LONP2: variants seen among roughly 807,000 people sequenced by gnomAD.
The protein encoded by LONP2 is lon peptidase 2, peroxisomal, also known as lon protease homolog 2, peroxisomal.
A neutral mutation model predicts 85.6 loss-of-function variants in LONP2; 60 were observed. The observed-to-expected ratio is 0.70, with a 90% CI of 0.57 to 0.87. The LOEUF is 0.87. Ranked by LOEUF, LONP2 falls within the 40% of genes least tolerant of loss-of-function variation. The pLI is 0.00. For missense variants in LONP2, 860 were observed against 1,063.5 expected (o/e 0.81, Z 2.66); for synonymous variants, 395 against 389.7 (o/e 1.01, Z -0.16).
At chr16:48,349,027 A>C (rs1447862795) in intron 14 of LONP2, among the ~76,000 whole-genome samples, 1 of 152,170 alleles carries the variant, frequency 6.6e-6, no homozygotes, top group Non-Finnish European at 1.5e-5. Context: ...TATAGAATGG[A>C]AACTCTAATA....
At chr16:48,298,177 A>G (rs1428054705) in intron 9 of LONP2, among the ~76,000 whole-genome samples, 1 of 152,192 alleles carries the variant, frequency 6.6e-6, no homozygotes, top group East Asian at 1.9e-4. Context: ...ATATGATGCC[A>G]CCTTCTTCCT....
intron 9 of LONP2, among the ~76,000 whole-genome samples, chr16:48,297,915 G>T (rs550867590): frequency 6.6e-6 from 1 of 152,224 alleles, no homozygotes; most frequent in South Asian, 2.1e-4. Context: ...GGCCAGGAAG[G>T]TCTCAATGTC....
rs766456880 is a variant in LONP2 at position 48,355,828 on chromosome 16, AAATT to A, written c.*4028_*4031del. 3.9e-5 allele frequency: 6 copies of A among 152,164 alleles called. No homozygotes were observed. Among genetic ancestry groups the A allele is most frequent in the Non-Finnish European group, 8.8e-5 (6 of 68,038 alleles). The allele number at this position is 152,164 out of a possible 1,614,324, so 9.4% of individuals were successfully genotyped here. ...AAAATAAGCTGGATTTTTTTATTGA[AAATT>A]ATTAACTCTAGAAATTTTAGTTTAA... On this transcript the variant is annotated 3_prime_UTR_variant, in exon 15 of 15. Transcript: ENST00000285737.
chr16:48,288,051 G>A (rs1160097090), intron 8 of LONP2, among the ~76,000 whole-genome samples: 2 of 151,438 alleles, frequency 1.3e-5, no homozygotes, highest in Non-Finnish European at 2.9e-5. Context: ...TTGTGTGTGA[G>A]TTGTATTTTG....
intron 4 of LONP2, among the ~76,000 whole-genome samples, chr16:48,260,387 A>C (rs1971849659): frequency 6.6e-6 from 1 of 152,232 alleles, no homozygotes; most frequent in South Asian, 2.1e-4. Context: ...GCTTGAGGCC[A>C]GGAGTTCAAG....
Position 48,291,182 on chromosome 16 carries a change from TTCTGTGGAC to T in LONP2, c.1384-4830_1384-4822del, listed in dbSNP as rs149579559. Among the ~76,000 whole-genome samples the T allele has an allele frequency of 8.5e-3, 1,299 of 152,342 alleles. 22 individuals carry two copies. Among genetic ancestry groups the T allele is most frequent in the African/African-American group, 0.03 (1,237 of 41,574 alleles). On this transcript the variant is annotated intron_variant, in intron 8 of 14. Coordinates refer to ENST00000285737, the MANE Select transcript of LONP2 (RefSeq NM_031490.5). ...AAAGCAGAGAAGATAGTATAATGAA[TTCTGTGGAC>T]TCATCACCCAGCTTTAATATCTTGT...
chr16:48,343,297 A>G (rs2151030406), intron 12 of LONP2, among the ~76,000 whole-genome samples: 1 of 152,342 alleles, frequency 6.6e-6, no homozygotes, highest in Middle Eastern at 3.4e-3. Context: ...GCATGCTTAC[A>G]ATTTCAATCA....
At chr16:48,251,027 G>C (rs1036575091) in intron 1 of LONP2, among the ~76,000 whole-genome samples, 1 of 152,188 alleles carries the variant, frequency 6.6e-6, no homozygotes, top group South Asian at 2.1e-4. Flanking sequence ...ACGTAGTTCA[G>C]AATAAACTGA....
intron 1 of LONP2, chr16:48,247,554 C>G (rs985619234): frequency 6.6e-5 from 10 of 152,264 alleles, no homozygotes; most frequent in African/African-American, 2.4e-4. Flanking sequence ...ATGTTGCCTG[C>G]AGGAGCCTTT....
chr16:48,358,438 GATT>G (rs1398581815), downstream of LONP2, among the ~76,000 whole-genome samples: 2 of 152,122 alleles, frequency 1.3e-5, no homozygotes, highest in Non-Finnish European at 2.9e-5. Flanking sequence ...ATTTTTCCAA[GATT>G]ATTAAAGTGG....
chr16:48,277,935 C>G (rs1972248260), intron 8 of LONP2, among the ~76,000 whole-genome samples: 1 of 151,758 alleles, frequency 6.6e-6, no homozygotes, highest in Non-Finnish European at 1.5e-5. Context: ...TAGATGCCCC[C>G]CAACAGGAGG....
At chr16:48,282,381 A>AGC (rs1289636409) in intron 8 of LONP2, among the ~76,000 whole-genome samples, 3 of 148,794 alleles carry the variant, frequency 2.0e-5, no homozygotes, top group Non-Finnish European at 3.0e-5. Context: ...ATTGCACTCC[A>AGC]GCCTGGGTGA....
chr16:48,348,313 T>C, intron 14 of LONP2, 23 bp downstream of exon 14: 1 of 1,358,958 alleles, frequency 7.4e-7, no homozygotes. Context: ...AAACAATTTA[T>C]ATGGTTATTT....
intron 11 of LONP2, among the ~76,000 whole-genome samples, chr16:48,325,276 T>A (rs1973346590): frequency 6.6e-6 from 1 of 152,098 alleles, no homozygotes; most frequent in African/African-American, 2.4e-5. Flanking sequence ...GCTGCTCACC[T>A]CCTCCTGACA....
rs180909028 is a variant in LONP2, at chr16:48,317,002, C to T, written c.1795+13697C>T. Among the ~76,000 whole-genome samples, 165 of 152,266 alleles carry T rather than the reference C, an allele frequency of 1.1e-3. 1 individual carries two copies. The highest frequency in any genetic ancestry group is 3.8e-3 in the African/African-American group (158 of 41,556). ...TGTCCTGTCAAGGCTGAGTTTTAGG[C>T]TTTGTCAGGACTCGTCAATTTCAGT... On this transcript the variant is annotated intron_variant, in intron 11 of 14. Coordinates refer to ENST00000285737, the MANE Select transcript of LONP2 (RefSeq NM_031490.5).
At chr16:48,267,863 AC>A (rs764173346) in intron 6 of LONP2, among the ~76,000 whole-genome samples, 5 of 151,980 alleles carry the variant, frequency 3.3e-5, no homozygotes, top group Non-Finnish European at 5.9e-5. Flanking sequence ...TGATCCTCCC[AC>A]CTCGGCCTCC....
chr16:48,316,323 C>CTTTTT (rs776343152), intron 11 of LONP2, among the ~76,000 whole-genome samples: 6 of 105,998 alleles, frequency 5.7e-5, no homozygotes, highest in African/African-American at 1.1e-4. Context: ...CCATTGGATT[C>CTTTTT]TTTTTTTTTT....
At position 48,252,178 on chromosome 16, in the gene LONP2, C is replaced by T; in HGVS notation, c.281C>T (p.Pro94Leu). 1.2e-6 allele frequency: 2 copies of T among 1,610,894 alleles called. No individual in the cohort carries two copies. Among genetic ancestry groups the T allele is most frequent in the Non-Finnish European group, 1.7e-6 (2 of 1,177,800 alleles). ...GTTCAGGTTGTGGGCAGTAACTGGC[C>T]CAAGCCCCACTACACTCTGTTGATT... Reference protein sequence around the residue: ...LAVQVVGSNWPKPHYTLLITG... With the variant: ...LAVQVVGSNWLKPHYTLLITG... The change falls in exon 2 of 15, where the codon CCC becomes CTC. Residue 94 changes from proline (P) to leucine (L), a missense_variant. By Grantham distance (98) the Pro-to-Leu change is moderately conservative. Around this residue, in one of 3 missense-constraint regions of LONP2, gnomAD observed 743 missense variants for 917.3 expected, o/e 0.81. Transcript: ENST00000285737.
Position 48,362,484 on chromosome 16 carries a change from T to C in LONP2, c.*621T>C. ...AAAAATAATTATAACCATGACTTAC[T>C]TTATAAATAATGTTTACATGCCATA... On this transcript the variant is annotated 3_prime_UTR_variant, in exon 5 of 5. Coordinates refer to the LONP2 transcript ENST00000565867. This position sits in a 1 kb window ranked among gnomAD's most constrained non-coding sequence, Gnocchi z 4.2. The C allele has an allele frequency of 1.3e-6, 2 of 1,570,124 alleles. No individual in the cohort carries two copies. The highest frequency in any genetic ancestry group is 1.7e-6 in the Non-Finnish European group (2 of 1,146,020).
Sources: allele counts gnomAD v4.1 joint callset (sites outside exome capture counted in the v4.1 genomes callset), GRCh38; gene constraint gnomAD v4.1.1; regional missense constraint gnomAD v4.1.1; non-coding constraint Gnocchi (gnomAD v3.1); transcripts MANE v1.5; gene names NCBI Gene and HGNC (gene_info 2026-07-23, HGNC 2026-07-21).